Variants in USO1 observed in about 807,000 individuals in gnomAD.
The protein encoded by USO1 is general vesicular transport factor p115.
A neutral mutation model predicts 124.5 loss-of-function variants in USO1; 57 were observed. The ratio of observed to expected loss-of-function variants is 0.46; its 90% CI spans 0.37 to 0.57. The LOEUF (loss-of-function observed/expected upper bound fraction) is 0.57, where lower values mean the gene tolerates loss of function less well. Ranked by LOEUF, USO1 falls within the 20% of genes least tolerant of loss-of-function variation. The pLI, the probability that USO1 is intolerant of heterozygous loss-of-function variation, is 0.00. For missense variants in USO1, 900 were observed against 1,040.6 expected, an observed-to-expected ratio of 0.86 and a Z score of 1.86; for synonymous variants, 369 against 362.8, an observed-to-expected ratio of 1.02 and a Z score of -0.19.
Position 75,789,020 on chromosome 4 carries a change from GGAAGTTT to G in USO1, c.997-1118_997-1112del, listed in dbSNP as rs749121195. ...AAACATCATTCCAGTGTTGCTATTAGGAAGTTTGAAGTTTGAAGCCATTATAATCCTC... is the reference window on the plus strand; with the variant it reads ...AAACATCATTCCAGTGTTGCTATTAGGAAGTTTGAAGCCATTATAATCCTC... On this transcript the variant is annotated intron_variant, in intron 10 of 23. Coordinates refer to ENST00000514213, the MANE Select transcript of USO1 (RefSeq NM_003715.4). Among the ~76,000 whole-genome samples the G allele has an allele frequency of 7.5e-4, 114 of 151,942 alleles. 2 individuals carry two copies. Among genetic ancestry groups the G allele is most frequent in the Non-Finnish European group, 4.6e-4 (31 of 67,994 alleles).
rs55928639 is a variant in USO1, at chr4:75,734,718, C to CTTTTTTTTT, written c.66+9853_66+9861dup. 2.0e-3 allele frequency among the ~76,000 whole-genome samples: 95 copies of CTTTTTTTTT among 47,466 alleles called. 30 individuals are homozygous for CTTTTTTTTT. Among genetic ancestry groups the CTTTTTTTTT allele is most frequent in the Non-Finnish European group, 2.6e-3 (72 of 28,020 alleles). The allele number at this position is 47,466 out of a possible 152,430, so 31.1% of individuals were successfully genotyped here. Reference sequence around the variant, plus strand: ...CTGTAGATTGCTTTGGGCAGTATGGCTTTTTTTTTTTTTTTTTTTTTTTTT... The same window carrying CTTTTTTTTT: ...CTGTAGATTGCTTTGGGCAGTATGGCTTTTTTTTTTTTTTTTTTTTTTTTTTTTTTTTTT... On this transcript the variant is annotated intron_variant, in intron 1 of 23. Transcript: ENST00000514213.
At chr4:75,742,410 G>C (rs186078628) in intron 1 of USO1, among the ~76,000 whole-genome samples, 36 of 152,256 alleles carry the variant, frequency 2.4e-4, no homozygotes, top group Non-Finnish European at 3.8e-4. Flanking sequence ...CTTGAATGTC[G>C]TTACGTAGGC....
At chr4:75,768,526 A>C (rs914381780) in intron 4 of USO1, among the ~76,000 whole-genome samples, 1 of 152,188 alleles carries the variant, frequency 6.6e-6, no homozygotes, top group Non-Finnish European at 1.5e-5. Context: ...TAGTTCTATT[A>C]GCTCTTTTGT....
At chr4:75,728,218 G>A (rs978407222) in intron 1 of USO1, among the ~76,000 whole-genome samples, 1 of 146,144 alleles carries the variant, frequency 6.8e-6, no homozygotes, top group Non-Finnish European at 1.5e-5. Context: ...CTGCTTTCTT[G>A]TTTTTTTTTT....
intron 1 of USO1, among the ~76,000 whole-genome samples, chr4:75,731,845 TACTG>T: frequency 6.6e-6 from 1 of 152,320 alleles, no homozygotes; most frequent in South Asian, 2.1e-4. Flanking sequence ...GTTAAGTAGT[TACTG>T]AATACTTAAA....
chr4:75,791,702 C>T (rs972996779), intron 12 of USO1, among the ~76,000 whole-genome samples: 5 of 152,020 alleles, frequency 3.3e-5, no homozygotes, highest in African/African-American at 1.2e-4. Flanking sequence ...ACTTCAAGAG[C>T]AGTTTCATAA....
At chr4:75,809,078 A>T in intron 21 of USO1, 27 bp downstream of exon 21, 1 of 1,542,216 alleles carries the variant, frequency 6.5e-7, no homozygotes, top group Non-Finnish European at 8.7e-7. Flanking sequence ...TTTTCTCTGG[A>T]AGGTAATAAA....
intron 1 of USO1, among the ~76,000 whole-genome samples, chr4:75,748,939 A>G (rs1721213737): frequency 6.7e-6 from 1 of 149,274 alleles, no homozygotes; most frequent in Admixed American, 6.7e-5. Context: ...AGTTTTTCTA[A>G]GTAGTAAAAA....
chr4:75,751,789 A>G (rs2149153883), intron 1 of USO1, among the ~76,000 whole-genome samples: 1 of 151,698 alleles, frequency 6.6e-6, no homozygotes, highest in East Asian at 2.0e-4. Context: ...CCGAGATCGC[A>G]TTGTCGCACT....
At chr4:75,808,908 T>C (rs324688) in intron 20 of USO1, 45 bp from the exon 21 acceptor site, 2 of 1,530,630 alleles carry the variant, frequency 1.3e-6, no homozygotes, top group Non-Finnish European at 1.8e-6. Flanking sequence ...CCTTGATGAA[T>C]TTAATACCAT....
chr4:75,780,349 C>T (rs1305759704), intron 8 of USO1, among the ~76,000 whole-genome samples: 1 of 150,924 alleles, frequency 6.6e-6, no homozygotes, highest in African/African-American at 2.4e-5. Context: ...TCACTGCCAC[C>T]TCTGCCTCCT....
At position 75,727,553 on chromosome 4, in the gene USO1, G is replaced by A. The variant is rs538564099; in HGVS notation, c.66+2668G>A. On this transcript the variant is annotated intron_variant, in intron 1 of 23. Transcript: ENST00000514213. ...CCAGGAAGTACAACAGGTAAAAGGGGTCATGGATTACTAATTTAGAAGTAT... is the reference window on the plus strand; with the variant it reads ...CCAGGAAGTACAACAGGTAAAAGGGATCATGGATTACTAATTTAGAAGTAT... Among the ~76,000 whole-genome samples the A allele has an allele frequency of 3.0e-4, 45 of 152,216 alleles. No individual in the cohort carries two copies. In the South Asian group the frequency reaches 9.1e-3, roughly 31 times the overall value.
intron 4 of USO1, among the ~76,000 whole-genome samples, chr4:75,764,368 C>T (rs914785600): frequency 1.3e-5 from 2 of 152,136 alleles, no homozygotes; most frequent in African/African-American, 4.8e-5. Flanking sequence ...TCTGAAGCTT[C>T]ATAAAATTTA....
At position 75,761,887 on chromosome 4, in the gene USO1, C is replaced by T. The variant is rs192978421; in HGVS notation, c.295+4314C>T. Among the ~76,000 whole-genome samples, 9 of 152,260 alleles carry T rather than the reference C, an allele frequency of 5.9e-5. No homozygotes were observed. In the East Asian group the frequency reaches 1.3e-3, roughly 23 times the overall value. ...AAGTATGAAGCATTACCTTTTGTGACATTTGAATCTCTTGTTTGACATCAG... is the reference window on the plus strand; with the variant it reads ...AAGTATGAAGCATTACCTTTTGTGATATTTGAATCTCTTGTTTGACATCAG... On this transcript the variant is annotated intron_variant, in intron 4 of 23. Transcript: ENST00000514213.
intron 1 of USO1, chr4:75,745,232 G>T: frequency 2.4e-6 from 1 of 423,386 alleles, no homozygotes; most frequent in Non-Finnish European, 4.6e-6. Context: ...ATATAGTACT[G>T]ATATTTTTCA....
intron 1 of USO1, 137 bp downstream of exon 1, chr4:75,725,022 C>T (rs1190441225): frequency 1.2e-6 from 1 of 861,704 alleles, no homozygotes. Flanking sequence ...CTTTGCCCTC[C>T]TTCCGCTCCT....
At chr4:75,744,042 C>T (rs1461889054) in intron 1 of USO1, among the ~76,000 whole-genome samples, 1 of 152,162 alleles carries the variant, frequency 6.6e-6, no homozygotes, top group Non-Finnish European at 1.5e-5. Flanking sequence ...TCCCAAAGTG[C>T]TGGGATTACA....
chr4:75,735,759 G>A (rs2149140033), intron 1 of USO1, among the ~76,000 whole-genome samples: 1 of 152,104 alleles, frequency 6.6e-6, no homozygotes, highest in East Asian at 1.9e-4. Flanking sequence ...GGACTCAAGT[G>A]ATCCTCTCAA....
chr4:75,792,059 G>C (rs1369874285), intron 12 of USO1, among the ~76,000 whole-genome samples: 2 of 147,356 alleles, frequency 1.4e-5, no homozygotes, highest in Non-Finnish European at 3.0e-5. Flanking sequence ...CAAACATTTA[G>C]CCTTTGTGTT....
Sources: allele counts gnomAD v4.1 joint callset (sites outside exome capture counted in the v4.1 genomes callset), GRCh38; gene constraint gnomAD v4.1.1; transcripts MANE v1.5; gene names NCBI Gene and HGNC (gene_info 2026-07-23, HGNC 2026-07-21).